The following GPALPP1 variants were observed in gnomAD, a reference collection of about 807,000 sequenced individuals.
GPALPP1 encodes GPALPP motifs-containing protein 1.
In GPALPP1, 30 loss-of-function variants were observed where a neutral mutation model predicts 38.9. The observed-to-expected ratio is 0.77, with a 90% CI of 0.58 to 1.05. The LOEUF is 1.05. Ranked by LOEUF, GPALPP1 falls within the 50% of genes least tolerant of loss-of-function variation. The pLI is 0.00. For missense variants in GPALPP1, 384 were observed against 408.8 expected, an observed-to-expected ratio of 0.94 and a Z score of 0.52; for synonymous variants, 120 against 139.2, an observed-to-expected ratio of 0.86 and a Z score of 0.97.
chr13:44,995,896 G>A (rs998576393), intron 1 of GPALPP1, among the ~76,000 whole-genome samples: 8 of 152,140 alleles, frequency 5.3e-5, no homozygotes, highest in South Asian at 2.1e-4. Context: ...GGGAGCACAC[G>A]TGGCTTTCTC....
intron 1 of GPALPP1, among the ~76,000 whole-genome samples, chr13:44,993,056 G>T (rs756783415): frequency 3.6e-4 from 55 of 152,102 alleles, no homozygotes; most frequent in Non-Finnish European, 3.5e-4. Flanking sequence ...CTTGCCCTTT[G>T]GTTACTGGCT....
chr13:45,010,760 G>A (rs1394769757), intron 4 of GPALPP1, among the ~76,000 whole-genome samples: 1 of 152,182 alleles, frequency 6.6e-6, no homozygotes, highest in Non-Finnish European at 1.5e-5. Context: ...AAGGCGGGTG[G>A]GTTGCTTGAG....
At chr13:45,012,480 A>T (rs1251536321) in intron 4 of GPALPP1, among the ~76,000 whole-genome samples, 2 of 152,182 alleles carry the variant, frequency 1.3e-5, no homozygotes, top group African/African-American at 4.8e-5. Flanking sequence ...TCATCTTAGC[A>T]CTTTTATATA....
At chr13:45,001,613 C>T (rs1305297564) in intron 1 of GPALPP1, 1 of 152,018 alleles carries the variant, frequency 6.6e-6, no homozygotes, top group Non-Finnish European at 1.5e-5. Context: ...TTCTTCTCAC[C>T]TCTAACATCC....
chr13:45,010,231 C>G (rs923449315), intron 4 of GPALPP1, among the ~76,000 whole-genome samples: 4 of 152,172 alleles, frequency 2.6e-5, no homozygotes, highest in Non-Finnish European at 5.9e-5. Flanking sequence ...CTGTCCAAGC[C>G]TATGCAAAAT....
At chr13:44,998,011 C>A (rs987375948) in intron 1 of GPALPP1, among the ~76,000 whole-genome samples, 28 of 152,240 alleles carry the variant, frequency 1.8e-4, no homozygotes, top group Non-Finnish European at 2.4e-4. Flanking sequence ...CACCTCCTTT[C>A]TCTTCCCCAA....
chr13:45,005,081 G>GTTT (rs1458040732), intron 2 of GPALPP1: 3 of 111,812 alleles, frequency 2.7e-5, no homozygotes, highest in South Asian at 5.9e-4. Flanking sequence ...TAAACTAATG[G>GTTT]TTTTCTTTTT....
intron 4 of GPALPP1, among the ~76,000 whole-genome samples, chr13:45,013,630 G>A (rs11620104): frequency 0.057 from 8,693 of 152,210 alleles, 390 homozygotes; most frequent in East Asian, 0.12. Flanking sequence ...CCTAAGAAGG[G>A]TGTGGCTTTA....
chr13:45,009,084 G>C, intron 4 of GPALPP1: 1 of 653,474 alleles, frequency 1.5e-6, no homozygotes, highest in South Asian at 1.5e-5. Context: ...CTGAGATTCT[G>C]TTAGGAAAAT....
At chr13:44,996,327 C>A (rs1873266573) in intron 1 of GPALPP1, among the ~76,000 whole-genome samples, 1 of 151,392 alleles carries the variant, frequency 6.6e-6, no homozygotes, top group Non-Finnish European at 1.5e-5. Flanking sequence ...CGCACTCCAG[C>A]CTGAGTGTTA....
At chr13:45,015,817 A>G (rs1874826606) in intron 6 of GPALPP1, among the ~76,000 whole-genome samples, 1 of 152,208 alleles carries the variant, frequency 6.6e-6, no homozygotes, top group Admixed American at 6.5e-5. Context: ...TTAAACCTCA[A>G]GAAAACTCTG....
At chr13:44,992,845 T>C (rs914853192) in intron 1 of GPALPP1, among the ~76,000 whole-genome samples, 1 of 152,214 alleles carries the variant, frequency 6.6e-6, no homozygotes, top group Non-Finnish European at 1.5e-5. Context: ...TCAGTGGCAC[T>C]TAGGTACAGT....
At chr13:45,011,876 C>T (rs1874507294) in intron 4 of GPALPP1, among the ~76,000 whole-genome samples, 1 of 152,142 alleles carries the variant, frequency 6.6e-6, no homozygotes, top group Non-Finnish European at 1.5e-5. Context: ...GAAGGACTTC[C>T]AGCCATATGG....
chr13:45,003,374 A>G (rs1310153734), intron 1 of GPALPP1, among the ~76,000 whole-genome samples: 2 of 152,202 alleles, frequency 1.3e-5, no homozygotes, highest in Admixed American at 6.5e-5. Context: ...AAATATTACT[A>G]TTACTATAAT....
chr13:45,034,663 C>G (rs1027921266), downstream of GPALPP1: 11 of 151,074 alleles, frequency 7.3e-5, no homozygotes, highest in South Asian at 2.1e-4. Flanking sequence ...ATAGGAACAT[C>G]TAACCCAGTC....
intron 7 of GPALPP1, among the ~76,000 whole-genome samples, chr13:45,023,500 T>C (rs1224967193): frequency 6.6e-6 from 1 of 152,212 alleles, no homozygotes; most frequent in Non-Finnish European, 1.5e-5. Context: ...TCCATTTTTG[T>C]TTGCTTTTTG....
chr13:45,015,685 A>G (rs978991421), intron 6 of GPALPP1, 89 bp downstream of exon 6: 6 of 884,082 alleles, frequency 6.8e-6, no homozygotes, highest in Non-Finnish European at 6.4e-6. Flanking sequence ...TAAGGGTACT[A>G]TTTTTTAAAA....
chr13:45,024,147 CTGTGTGTG>C (rs58048658), intron 7 of GPALPP1, among the ~76,000 whole-genome samples: 1,489 of 23,296 alleles, frequency 0.064, 144 homozygotes, highest in South Asian at 0.091. Context: ...CCCTAAAACT[CTGTGTGTG>C]TGTGTGTGTG....
intron 6 of GPALPP1, among the ~76,000 whole-genome samples, chr13:45,019,365 C>G (rs1875218461): frequency 6.6e-6 from 1 of 151,608 alleles, no homozygotes; most frequent in African/African-American, 2.4e-5. Context: ...CCAGGGTGGT[C>G]TCGAACTCCT....
Sources: gnomAD v4.1 joint callset for allele counts (sites outside exome capture counted in the v4.1 genomes callset) on GRCh38, gnomAD v4.1.1 for gene constraint, MANE v1.5 for transcripts, NCBI Gene and HGNC (gene_info 2026-07-23, HGNC 2026-07-21) for gene names.